The following DNAJC5B variants were observed in gnomAD, a reference collection of about 807,000 sequenced individuals.
DNAJC5B encodes dnaJ homolog subfamily C member 5B.
A neutral mutation model predicts 24.7 loss-of-function variants in DNAJC5B; 23 were observed. That is an observed-to-expected ratio of 0.93 (90% CI 0.67 to 1.32). The LOEUF (loss-of-function observed/expected upper bound fraction) is 1.32, where lower values mean the gene tolerates loss of function less well. Ranked by LOEUF, DNAJC5B falls within the 40% of genes most tolerant of loss-of-function variation. The pLI is 0.00. For synonymous variants in DNAJC5B, 101 were observed against 90.1 expected, an observed-to-expected ratio of 1.12 and a Z score of -0.68; for missense variants, 238 against 240.8, an observed-to-expected ratio of 0.99 and a Z score of 0.08.
At chr8:66,070,211 G>A (rs1174612043) in intron 3 of DNAJC5B, among the ~76,000 whole-genome samples, 11 of 152,150 alleles carry the variant, frequency 7.2e-5, no homozygotes, top group Non-Finnish European at 1.3e-4. Flanking sequence ...TCTGGCCAGG[G>A]CAATCAGGCA....
intron 5 of DNAJC5B, among the ~76,000 whole-genome samples, chr8:66,095,584 G>T: frequency 6.7e-6 from 1 of 149,214 alleles, no homozygotes. Flanking sequence ...TTAATTTTCA[G>T]CCCTTCCTCT....
intron 3 of DNAJC5B, among the ~76,000 whole-genome samples, chr8:66,066,074 A>C (rs1027113240): frequency 2.0e-5 from 3 of 152,212 alleles, no homozygotes. Flanking sequence ...TGGATGTGTT[A>C]AATAGACATT....
intron 1 of DNAJC5B, among the ~76,000 whole-genome samples, chr8:66,034,379 C>G (rs532662853): frequency 6.6e-6 from 1 of 152,130 alleles, no homozygotes; most frequent in East Asian, 1.9e-4. Flanking sequence ...AGCAGATGGA[C>G]ATACAGTCCA....
intron 2 of DNAJC5B, among the ~76,000 whole-genome samples, chr8:66,047,596 A>G (rs965508578): frequency 8.5e-5 from 13 of 152,220 alleles, no homozygotes; most frequent in Non-Finnish European, 1.8e-4. Context: ...AAATGACACC[A>G]TATACGAAAG....
intron 3 of DNAJC5B, among the ~76,000 whole-genome samples, chr8:66,065,722 T>C (rs1231204883): frequency 6.6e-6 from 1 of 152,184 alleles, no homozygotes; most frequent in Non-Finnish European, 1.5e-5. Flanking sequence ...GCTTTGTTGG[T>C]GCTTGGGTGC....
upstream of DNAJC5B, among the ~76,000 whole-genome samples, chr8:66,020,296 GAT>G (rs1310496634): frequency 1.3e-5 from 2 of 152,186 alleles, no homozygotes; most frequent in Non-Finnish European, 2.9e-5. Flanking sequence ...TAAATAGAGT[GAT>G]ATGTGTGAAA....
chr8:66,083,003 C>CTTTTTTTTTTTTTTTT (rs765749597), intron 5 of DNAJC5B, among the ~76,000 whole-genome samples: 2 of 86,724 alleles, frequency 2.3e-5, no homozygotes, highest in Non-Finnish European at 2.2e-5. Context: ...CTTTTCTTTT[C>CTTTTTTTTTTTTTTTT]TTTTTTTTTT....
chr8:66,062,161 T>C (rs536323226), intron 3 of DNAJC5B, among the ~76,000 whole-genome samples: 1 of 152,320 alleles, frequency 6.6e-6, no homozygotes, highest in South Asian at 2.1e-4. Flanking sequence ...ATTTGCTGAA[T>C]GCAAAAAAGA....
intron 1 of DNAJC5B, among the ~76,000 whole-genome samples, chr8:66,027,742 T>G (rs908203108): frequency 6.6e-6 from 1 of 152,132 alleles, no homozygotes; most frequent in Non-Finnish European, 1.5e-5. Flanking sequence ...CTCTGCATGG[T>G]AGGAACTGAC....
chr8:66,046,823 A>G (rs1806732891), intron 2 of DNAJC5B, among the ~76,000 whole-genome samples: 2 of 152,396 alleles, frequency 1.3e-5, no homozygotes, highest in Admixed American at 1.3e-4. Context: ...AGATGGCGGC[A>G]GCCAGAGAGC....
At chr8:66,095,552 AACTTCTTAATTTTTGT>A (rs1807932806) in intron 5 of DNAJC5B, among the ~76,000 whole-genome samples, 2 of 151,114 alleles carry the variant, frequency 1.3e-5, no homozygotes, top group African/African-American at 2.4e-5. Flanking sequence ...TTCATTTTCT[AACTTCTTAATTTTTGT>A]ACTTCTTAAT....
At chr8:66,019,662 G>A (rs1156790414), upstream of DNAJC5B, among the ~76,000 whole-genome samples, 1 of 152,154 alleles carries the variant, frequency 6.6e-6, no homozygotes, top group East Asian at 1.9e-4. Flanking sequence ...AAAATGTTAA[G>A]TAAATATTAG....
At chr8:66,048,707 C>A (rs75601937) in intron 2 of DNAJC5B, among the ~76,000 whole-genome samples, 5,184 of 152,158 alleles carry the variant, frequency 0.034, 107 homozygotes, top group Non-Finnish European at 0.05. Flanking sequence ...GCCACCAAGA[C>A]CATACAGATC....
intron 5 of DNAJC5B, among the ~76,000 whole-genome samples, chr8:66,097,669 A>G (rs1324235748): frequency 6.6e-6 from 1 of 151,946 alleles, no homozygotes; most frequent in African/African-American, 2.4e-5. Context: ...TATCTTTATC[A>G]TGCTCTTTTA....
At chr8:66,095,795 T>G (rs553956427) in intron 5 of DNAJC5B, among the ~76,000 whole-genome samples, 2 of 152,166 alleles carry the variant, frequency 1.3e-5, no homozygotes, top group African/African-American at 4.8e-5. Flanking sequence ...ATCTTAATTT[T>G]CAATCTTGGG....
At chr8:66,058,199 C>T (rs1037508076) in intron 3 of DNAJC5B, among the ~76,000 whole-genome samples, 6 of 152,186 alleles carry the variant, frequency 3.9e-5, no homozygotes, top group Non-Finnish European at 8.8e-5. Flanking sequence ...TATTCCACGA[C>T]ATGGATGTCC....
At chr8:66,073,147 T>G (rs1202938961) in intron 3 of DNAJC5B, among the ~76,000 whole-genome samples, 1 of 152,032 alleles carries the variant, frequency 6.6e-6, no homozygotes, top group Non-Finnish European at 1.5e-5. Context: ...GAATTTATAA[T>G]TTAATAAAAT....
chr8:66,084,528 A>T (rs958967514), intron 5 of DNAJC5B, among the ~76,000 whole-genome samples: 2 of 152,100 alleles, frequency 1.3e-5, no homozygotes, highest in African/African-American at 4.8e-5. Context: ...TGAGGAATCA[A>T]CCCTCACCTC....
chr8:66,042,239 A>G (rs1563590720), intron 1 of DNAJC5B, among the ~76,000 whole-genome samples: 1 of 152,188 alleles, frequency 6.6e-6, no homozygotes, highest in African/African-American at 2.4e-5. Flanking sequence ...TCAATAGGTG[A>G]CTAATTGTTG....
Sources: allele counts gnomAD v4.1 joint callset (sites outside exome capture counted in the v4.1 genomes callset), GRCh38; gene constraint gnomAD v4.1.1; transcripts MANE v1.5; gene names NCBI Gene and HGNC (gene_info 2026-07-23, HGNC 2026-07-21).